The following CDH18 variants were observed in gnomAD, a reference collection of about 807,000 sequenced individuals.
The protein encoded by CDH18 is cadherin-18.
In CDH18, 31 loss-of-function variants were observed where a neutral mutation model predicts 67.9. That is an observed-to-expected ratio of 0.46 (90% CI 0.34 to 0.62). The LOEUF (loss-of-function observed/expected upper bound fraction) is 0.62, where lower values mean the gene tolerates loss of function less well. Among genes scored for constraint, CDH18 ranks in the 20% least tolerant of loss-of-function variants. CDH18 has a pLI of 0.01. For missense variants in CDH18, 890 were observed against 975.5 expected (o/e 0.91, Z 1.17); for synonymous variants, 362 against 347.2 (o/e 1.04, Z -0.48).
intron 3 of CDH18, among the ~76,000 whole-genome samples, chr5:19,798,960 T>G (rs1356713605): frequency 6.6e-6 from 1 of 152,066 alleles, no homozygotes; most frequent in Non-Finnish European, 1.5e-5. Context: ...CATTATTATA[T>G]ATTAATACTA....
At chr5:20,053,088 G>C (rs938786216) in intron 2 of CDH18, among the ~76,000 whole-genome samples, 1 of 151,366 alleles carries the variant, frequency 6.6e-6, no homozygotes, top group African/African-American at 2.4e-5. Context: ...TAAGAAAAAA[G>C]GCTTATGAAA....
chr5:19,823,244 A>C (rs191432265), intron 3 of CDH18, among the ~76,000 whole-genome samples: 1 of 152,282 alleles, frequency 6.6e-6, no homozygotes, highest in East Asian at 1.9e-4. Flanking sequence ...GGTGACATAC[A>C]TCCTCCTCAG....
At chr5:19,801,620 T>C (rs1581410637) in intron 3 of CDH18, among the ~76,000 whole-genome samples, 1 of 152,310 alleles carries the variant, frequency 6.6e-6, no homozygotes, top group Non-Finnish European at 1.5e-5. Context: ...GACACATACT[T>C]TATTCATATT....
At chr5:20,494,917 T>C (rs996576373) in intron 1 of CDH18, among the ~76,000 whole-genome samples, 7 of 152,084 alleles carry the variant, frequency 4.6e-5, no homozygotes, top group African/African-American at 1.4e-4. Flanking sequence ...CAAAGGAGCA[T>C]TCGGGGATAG....
intron 9 of CDH18, among the ~76,000 whole-genome samples, chr5:19,523,802 A>C (rs1241101474): frequency 1.3e-5 from 2 of 152,140 alleles, no homozygotes; most frequent in Admixed American, 1.3e-4. Flanking sequence ...AAACTCTTGA[A>C]TATACATACT....
At chr5:19,944,125 A>G (rs1190862333) in intron 2 of CDH18, among the ~76,000 whole-genome samples, 1 of 152,076 alleles carries the variant, frequency 6.6e-6, no homozygotes, top group Non-Finnish European at 1.5e-5. Flanking sequence ...CCAATTTAAT[A>G]TATTTCTTCT....
intron 5 of CDH18, among the ~76,000 whole-genome samples, chr5:19,637,380 A>G (rs1367025164): frequency 6.6e-6 from 1 of 151,818 alleles, no homozygotes; most frequent in Non-Finnish European, 1.5e-5. Flanking sequence ...TCGACTCTCT[A>G]TTTAATATCA....
intron 1 of CDH18, among the ~76,000 whole-genome samples, chr5:20,300,632 C>A (rs755594053): frequency 6.6e-6 from 1 of 152,068 alleles, no homozygotes; most frequent in Non-Finnish European, 1.5e-5. Flanking sequence ...AATATGAAAT[C>A]TCCTCAGGCT....
intron 1 of CDH18, among the ~76,000 whole-genome samples, chr5:20,337,780 G>A (rs978003615): frequency 1.3e-5 from 2 of 152,156 alleles, no homozygotes; most frequent in Non-Finnish European, 2.9e-5. Flanking sequence ...TTTCAGCAAT[G>A]CCCCACTCTA....
intron 2 of CDH18, among the ~76,000 whole-genome samples, chr5:20,072,280 G>T (rs2150527033): frequency 6.6e-6 from 1 of 152,110 alleles, no homozygotes; most frequent in East Asian, 1.9e-4. Flanking sequence ...TCCACTCCAA[G>T]AATTTCTCTT....
chr5:20,045,376 A>G (rs1740809848), intron 2 of CDH18, among the ~76,000 whole-genome samples: 2 of 152,106 alleles, frequency 1.3e-5, no homozygotes, highest in African/African-American at 4.8e-5. Context: ...GTTTCACCAC[A>G]AAGGGCAGAA....
At chr5:20,077,335 C>A (rs1744038582) in intron 2 of CDH18, among the ~76,000 whole-genome samples, 1 of 152,180 alleles carries the variant, frequency 6.6e-6, no homozygotes, top group African/African-American at 2.4e-5. Flanking sequence ...TTTTGCTATC[C>A]TTTATGTAGT....
chr5:20,094,479 G>T (rs1745710235), intron 2 of CDH18, among the ~76,000 whole-genome samples: 1 of 152,146 alleles, frequency 6.6e-6, no homozygotes, highest in Non-Finnish European at 1.5e-5. Flanking sequence ...ATTTAAAGTA[G>T]TTTTTTCTAA....
intron 2 of CDH18, among the ~76,000 whole-genome samples, chr5:20,097,936 A>C (rs934256991): frequency 3.3e-5 from 5 of 152,086 alleles, no homozygotes; most frequent in Admixed American, 6.6e-5. Flanking sequence ...TTGTGGAATC[A>C]CTTGTCACTT....
intron 1 of CDH18, among the ~76,000 whole-genome samples, chr5:20,458,633 G>A (rs61376115): frequency 6.6e-6 from 1 of 151,570 alleles, no homozygotes; most frequent in African/African-American, 2.4e-5. Context: ...ACAACAACAA[G>A]AACAACAAAA....
chr5:19,950,897 C>T (rs974931435), intron 2 of CDH18, among the ~76,000 whole-genome samples: 1 of 152,154 alleles, frequency 6.6e-6, no homozygotes, highest in Non-Finnish European at 1.5e-5. Context: ...ACCCACACTT[C>T]TCTGCTAAAA....
chr5:20,413,892 C>T (rs567572918), intron 1 of CDH18, among the ~76,000 whole-genome samples: 1 of 152,226 alleles, frequency 6.6e-6, no homozygotes, highest in South Asian at 2.1e-4. Flanking sequence ...TTGCCCATGC[C>T]TGTAACCTGA....
chr5:20,145,195 C>T (rs181710613), intron 2 of CDH18, among the ~76,000 whole-genome samples: 68 of 152,116 alleles, frequency 4.5e-4, no homozygotes, highest in Non-Finnish European at 9.4e-4. Flanking sequence ...AAATTTAAAT[C>T]TTATTTTTAG....
chr5:19,942,148 G>GA (rs1176602457), intron 2 of CDH18, among the ~76,000 whole-genome samples: 2 of 152,128 alleles, frequency 1.3e-5, no homozygotes, highest in African/African-American at 4.8e-5. Flanking sequence ...AGATTATGAA[G>GA]ATCTCTGACA....
Sources: gnomAD v4.1 joint callset for allele counts (sites outside exome capture counted in the v4.1 genomes callset) on GRCh38, gnomAD v4.1.1 for gene constraint, MANE v1.5 for transcripts, NCBI Gene and HGNC (gene_info 2026-07-23, HGNC 2026-07-21) for gene names.